CCDC152: variants seen among roughly 807,000 people sequenced by gnomAD.
CCDC152 encodes coiled-coil domain containing 152.
CCDC152 carries 37 observed loss-of-function variants against 38.1 expected under a neutral mutation model. The observed-to-expected ratio is 0.97, with a 90% CI of 0.75 to 1.28. CCDC152 has a LOEUF of 1.28. Ranked by LOEUF, CCDC152 falls within the 50% of genes most tolerant of loss-of-function variation. The probability of loss-of-function intolerance (pLI) is 0.00; values close to 1 mark genes in which losing one functional copy is unlikely to be tolerated. For synonymous variants in CCDC152, 83 were observed against 87.1 expected, an observed-to-expected ratio of 0.95 and a Z score of 0.26; for missense variants, 259 against 292.1, an observed-to-expected ratio of 0.89 and a Z score of 0.83.
At chr5:42,776,774 C>G (rs1010341904) in intron 4 of CCDC152, among the ~76,000 whole-genome samples, 1 of 152,080 alleles carries the variant, frequency 6.6e-6, no homozygotes, top group Non-Finnish European at 1.5e-5. Flanking sequence ...GATGAAAAAT[C>G]TCAAAATATA....
chr5:42,798,445 T>C (rs1439844194), intron 7 of CCDC152, among the ~76,000 whole-genome samples: 6 of 152,182 alleles, frequency 3.9e-5, no homozygotes, highest in Non-Finnish European at 8.8e-5. Flanking sequence ...TTAGATACCC[T>C]TTGCTGCTGG....
intron 5 of CCDC152, 75 bp from the exon 6 acceptor site, chr5:42,783,399 T>G (rs1050207324): frequency 3.6e-6 from 2 of 548,060 alleles, no homozygotes; most frequent in African/African-American, 4.0e-5. Context: ...GAATGGAGAA[T>G]TTCACCTTTC....
intron 6 of CCDC152, among the ~76,000 whole-genome samples, chr5:42,792,538 T>C (rs1410904464): frequency 6.6e-6 from 1 of 152,218 alleles, no homozygotes; most frequent in Non-Finnish European, 1.5e-5. Context: ...CAGGACATTT[T>C]TCCAGATTAC....
At chr5:42,793,109 A>G (rs1760027153) in intron 6 of CCDC152, among the ~76,000 whole-genome samples, 1 of 152,250 alleles carries the variant, frequency 6.6e-6, no homozygotes, top group Non-Finnish European at 1.5e-5. Context: ...TTACTCAGCA[A>G]TAAAAAGCAA....
Position 42,801,010 on chromosome 5 carries a change from GTAAT to G in CCDC152, c.*1231_*1234del, listed in dbSNP as rs1233822781. 6.2e-7 allele frequency: 1 copy of G among 1,614,032 alleles called. No homozygotes were observed. The highest frequency in any genetic ancestry group is 8.5e-7 in the Non-Finnish European group (1 of 1,179,966). On this transcript the variant is annotated 3_prime_UTR_variant, in exon 9 of 9. Coordinates refer to ENST00000361970, the MANE Select transcript of CCDC152 (RefSeq NM_001134848.2). ...TCTGAATCTGTGGGCAATTTACAGA[GTAAT>G]TGATTTATACATCTCTTTCGACAGA...
At chr5:42,766,496 T>C (rs1400893255) in intron 3 of CCDC152, among the ~76,000 whole-genome samples, 6 of 152,146 alleles carry the variant, frequency 3.9e-5, no homozygotes, top group Non-Finnish European at 8.8e-5. Flanking sequence ...ATAGCCAAGA[T>C]TTGGAAGAAA....
At position 42,781,358 on chromosome 5, in the gene CCDC152, T is replaced by C. The variant is rs368019131; in HGVS notation, c.327+1836T>C. On this transcript the variant is annotated intron_variant, in intron 5 of 8. Coordinates refer to ENST00000361970, the MANE Select transcript of CCDC152 (RefSeq NM_001134848.2). ...GCTTTGTCCATTCCTACAAGTTGCC[T>C]GGCAGGATAAGTAGAACAAACAGGA... is the stretch of plus-strand genomic sequence containing the variant. 1.6e-4 allele frequency among the ~76,000 whole-genome samples: 25 copies of C among 152,242 alleles called. No homozygotes were observed. The East Asian group carries it at 3.3e-3, about 20-fold the overall frequency.
chr5:42,758,734 A>G (rs1759511981), intron 1 of CCDC152, among the ~76,000 whole-genome samples: 2 of 152,230 alleles, frequency 1.3e-5, no homozygotes, highest in Non-Finnish European at 2.9e-5. Context: ...TTTATTTACC[A>G]GTTTACCAAA....
At chr5:42,761,062 T>A (rs982531253) in intron 2 of CCDC152, among the ~76,000 whole-genome samples, 1 of 152,128 alleles carries the variant, frequency 6.6e-6, no homozygotes, top group Non-Finnish European at 1.5e-5. Flanking sequence ...TGCTTTGAGA[T>A]CAATTCAAAA....
chr5:42,777,545 C>A (rs985869807), intron 4 of CCDC152, among the ~76,000 whole-genome samples: 2 of 151,830 alleles, frequency 1.3e-5, no homozygotes, highest in Non-Finnish European at 2.9e-5. Flanking sequence ...TATTTGATAG[C>A]CTATGTGAAA....
chr5:42,770,735 A>C (rs1759686131), intron 4 of CCDC152, among the ~76,000 whole-genome samples: 1 of 152,098 alleles, frequency 6.6e-6, no homozygotes, highest in Non-Finnish European at 1.5e-5. Flanking sequence ...GATAGTATGG[A>C]CATTTTAATA....
chr5:42,800,650 T>G lies in CCDC152; in HGVS notation c.*869T>G. On this transcript the variant is annotated 3_prime_UTR_variant, in exon 9 of 9. Transcript: ENST00000361970. ...TTCTATTTTTGGTTCACTAATTTGG[T>G]AGTTTATAAAAATGCTGGAAATGAA... 1 of 1,486,562 alleles carries G rather than the reference T, an allele frequency of 6.7e-7. No individual in the cohort carries two copies. The highest frequency in any genetic ancestry group is 9.0e-7 in the Non-Finnish European group (1 of 1,110,436). 92.1% of individuals were successfully genotyped at this position (1,486,562 alleles called of 1,614,324 possible).
intron 6 of CCDC152, among the ~76,000 whole-genome samples, chr5:42,789,253 T>A (rs917416537): frequency 1.3e-5 from 2 of 151,474 alleles, no homozygotes; most frequent in Non-Finnish European, 2.9e-5. Flanking sequence ...TCTTGCTGCC[T>A]TCATTTTCTG....
intron 5 of CCDC152, among the ~76,000 whole-genome samples, 182 bp from the exon 6 acceptor site, chr5:42,783,292 A>G (rs1431293423): frequency 6.6e-6 from 1 of 152,080 alleles, no homozygotes; most frequent in African/African-American, 2.4e-5. Context: ...ACTTTTAATT[A>G]TTAGAAAGGT....
At chr5:42,784,528 CT>C (rs1759893286) in intron 6 of CCDC152, among the ~76,000 whole-genome samples, 2 of 152,092 alleles carry the variant, frequency 1.3e-5, no homozygotes, top group South Asian at 4.1e-4. Flanking sequence ...GGATATACGG[CT>C]TGCAAATATT....
intron 6 of CCDC152, among the ~76,000 whole-genome samples, chr5:42,789,576 C>A (rs926781294): frequency 6.6e-6 from 1 of 152,046 alleles, no homozygotes; most frequent in Non-Finnish European, 1.5e-5. Flanking sequence ...AATTTGGTTC[C>A]TAGTATTTAC....
intron 6 of CCDC152, among the ~76,000 whole-genome samples, chr5:42,792,703 G>T (rs1333070462): frequency 6.6e-6 from 1 of 152,126 alleles, no homozygotes. Context: ...GCTAGTTCAG[G>T]TCCTTAAAGG....
At chr5:42,758,036 T>G (rs1246473588) in intron 1 of CCDC152, among the ~76,000 whole-genome samples, 1 of 152,226 alleles carries the variant, frequency 6.6e-6, no homozygotes, top group Non-Finnish European at 1.5e-5. Context: ...AACAAATATT[T>G]TTCTGCTGTA....
In CCDC152 at chr5:42,779,494, T is replaced by A. The variant is rs773633775; in HGVS notation, c.299T>A (p.Ile100Lys). 2.6e-6 allele frequency: 4 copies of A among 1,518,328 alleles called. No individual in the cohort carries two copies. The highest frequency in any genetic ancestry group is 4.9e-5 in the East Asian group (2 of 40,648). 94.1% of individuals were successfully genotyped at this position (1,518,328 alleles called of 1,614,324 possible). ...CAACTAAAAATAAGTGCTGATCTTATAAAAGAGAAGTTAAAGTCTCATGAA... is the reference window on the plus strand; with the variant it reads ...CAACTAAAAATAAGTGCTGATCTTAAAAAAGAGAAGTTAAAGTCTCATGAA... ...NEQLKISADL[I>K]KEKLKSHEQE... Residue 100 changes from isoleucine to lysine, a missense_variant, in exon 5 of 9, where the codon ATA (isoleucine) becomes AAA (lysine). By Grantham distance (102) the Ile-to-Lys change is moderately radical. Coordinates refer to ENST00000361970, the MANE Select transcript of CCDC152 (RefSeq NM_001134848.2).
Sources: allele counts gnomAD v4.1 joint callset (sites outside exome capture counted in the v4.1 genomes callset), GRCh38; gene constraint gnomAD v4.1.1; transcripts MANE v1.5; gene names NCBI Gene and HGNC (gene_info 2026-07-23, HGNC 2026-07-21).